ROBO1: variants seen among roughly 807,000 people sequenced by gnomAD.
ROBO1 encodes roundabout guidance receptor 1.
A neutral mutation model predicts 195.9 loss-of-function variants in ROBO1; 149 were observed. That is an observed-to-expected ratio of 0.76 (90% CI 0.67 to 0.87). ROBO1 has a LOEUF of 0.87. Ranked by LOEUF, ROBO1 falls within the 40% of genes least tolerant of loss-of-function variation. The pLI is 0.00. For synonymous variants in ROBO1, 816 were observed against 733.2 expected (o/e 1.11, Z -1.82); for missense variants, 1,933 against 2,068.3 (o/e 0.93, Z 1.27).
At chr3:79,261,289 T>C (rs1412156538) in intron 2 of ROBO1, among the ~76,000 whole-genome samples, 1 of 152,084 alleles carries the variant, frequency 6.6e-6, no homozygotes, top group African/African-American at 2.4e-5. Context: ...AAAACATTTA[T>C]TGTATTTTGC....
intron 3 of ROBO1, chr3:79,018,380 G>A (rs368369243): frequency 1.9e-6 from 3 of 1,613,534 alleles, no homozygotes; most frequent in South Asian, 2.2e-5. Context: ...GGAGGATCAA[G>A]GGTGAAGAAA....
Position 79,603,112 on chromosome 3 carries a change from A to G in ROBO1, c.-50-13151T>C, listed in dbSNP as rs796945828. ...TGTCATATGTAGTTTAAGGCCTAAA[A>G]TTAGGACCCCATATTATGTACTGCC... is the stretch of plus-strand genomic sequence containing the variant. On this transcript the variant is annotated intron_variant, in intron 1 of 30. Coordinates refer to ENST00000464233, the MANE Select transcript of ROBO1 (RefSeq NM_002941.4). Among the ~76,000 whole-genome samples the G allele has an allele frequency of 1.3e-4, 20 of 152,068 alleles. 1 individual carries two copies. The highest frequency in any genetic ancestry group is 4.8e-4 in the African/African-American group (20 of 41,522).
chr3:79,326,978 A>T (rs949601930), intron 2 of ROBO1, among the ~76,000 whole-genome samples: 2 of 152,290 alleles, frequency 1.3e-5, no homozygotes, highest in African/African-American at 4.8e-5. Flanking sequence ...AAGTCACTTT[A>T]TCTCTCTAAG....
intron 8 of ROBO1, among the ~76,000 whole-genome samples, chr3:78,697,518 T>C (rs2107911087): frequency 6.6e-6 from 1 of 152,248 alleles, no homozygotes; most frequent in African/African-American, 2.4e-5. Context: ...GAAAAGATGA[T>C]AATCGGCCTA....
At chr3:79,675,940 A>C (rs1452603609) in intron 1 of ROBO1, among the ~76,000 whole-genome samples, 2 of 152,138 alleles carry the variant, frequency 1.3e-5, no homozygotes, top group East Asian at 3.9e-4. Context: ...ATTGTCGATA[A>C]AAAGGTATAG....
chr3:79,295,060 A>C (rs1421700250), intron 2 of ROBO1, among the ~76,000 whole-genome samples: 1 of 152,220 alleles, frequency 6.6e-6, no homozygotes, highest in Non-Finnish European at 1.5e-5. Flanking sequence ...AGGATCTAGA[A>C]CTAGAAATAC....
intron 2 of ROBO1, among the ~76,000 whole-genome samples, chr3:79,333,663 A>T (rs1444013820): frequency 6.6e-6 from 1 of 152,074 alleles, no homozygotes; most frequent in African/African-American, 2.4e-5. Flanking sequence ...AGCACACCAA[A>T]CACTCACAGA....
chr3:79,056,343 T>A (rs571990644), intron 3 of ROBO1, among the ~76,000 whole-genome samples: 4 of 152,134 alleles, frequency 2.6e-5, no homozygotes, highest in African/African-American at 9.6e-5. Context: ...ATTATATTGA[T>A]GACATTTTAA....
At chr3:79,663,964 CAGT>C (rs1046050741) in intron 1 of ROBO1, among the ~76,000 whole-genome samples, 1 of 152,018 alleles carries the variant, frequency 6.6e-6, no homozygotes, top group African/African-American at 2.4e-5. Context: ...CCTACAAATT[CAGT>C]CCTTCCATTT....
At chr3:78,702,955 C>A (rs1411171399) in intron 8 of ROBO1, among the ~76,000 whole-genome samples, 1 of 152,136 alleles carries the variant, frequency 6.6e-6, no homozygotes, top group Admixed American at 6.5e-5. Flanking sequence ...CTGGCGTGCA[C>A]AATTAAGAGA....
intron 2 of ROBO1, among the ~76,000 whole-genome samples, chr3:79,564,352 T>C (rs1943023154): frequency 6.6e-6 from 1 of 152,068 alleles, no homozygotes; most frequent in Admixed American, 6.6e-5. Flanking sequence ...CACTGCATGA[T>C]ACTGTACCTA....
intron 2 of ROBO1, among the ~76,000 whole-genome samples, chr3:79,297,433 C>T (rs2032652603): frequency 6.6e-6 from 1 of 152,096 alleles, no homozygotes; most frequent in Non-Finnish European, 1.5e-5. Flanking sequence ...AAACACAATT[C>T]TTTGTTATTA....
At chr3:78,763,464 A>G (rs2083155213) in intron 4 of ROBO1, among the ~76,000 whole-genome samples, 1 of 152,162 alleles carries the variant, frequency 6.6e-6, no homozygotes, top group Non-Finnish European at 1.5e-5. Context: ...CTTCCATATT[A>G]TAATCAAATT....
At chr3:79,245,982 C>G (rs140324169) in intron 2 of ROBO1, among the ~76,000 whole-genome samples, 2 of 152,026 alleles carry the variant, frequency 1.3e-5, no homozygotes, top group African/African-American at 4.8e-5. Context: ...GGTCCCAAGT[C>G]AAGTGTGACC....
chr3:79,229,623 C>A (rs1426086698), intron 2 of ROBO1, among the ~76,000 whole-genome samples: 2 of 151,892 alleles, frequency 1.3e-5, no homozygotes, highest in African/African-American at 4.8e-5. Context: ...TTATTTCTTT[C>A]TTTTTGTAGA....
intron 30 of ROBO1, among the ~76,000 whole-genome samples, chr3:78,599,865 A>T (rs1192544344): frequency 6.6e-6 from 1 of 152,228 alleles, no homozygotes; most frequent in East Asian, 1.9e-4. Context: ...TATGTTTCTT[A>T]TCTGAAAATC....
intron 4 of ROBO1, among the ~76,000 whole-genome samples, chr3:78,862,075 G>A (rs893515932): frequency 6.6e-6 from 1 of 152,144 alleles, no homozygotes; most frequent in African/African-American, 2.4e-5. Context: ...CTTAAGATAG[G>A]AAGAGTGGGC....
At chr3:79,519,016 G>C (rs1164628053) in intron 2 of ROBO1, among the ~76,000 whole-genome samples, 2 of 152,040 alleles carry the variant, frequency 1.3e-5, no homozygotes, top group African/African-American at 4.8e-5. Context: ...TTAACAGCAT[G>C]CATTTGTCAT....
At chr3:79,070,018 A>G (rs1051736266) in intron 3 of ROBO1, among the ~76,000 whole-genome samples, 2 of 151,446 alleles carry the variant, frequency 1.3e-5, no homozygotes, top group Admixed American at 1.3e-4. Flanking sequence ...GAAGTTATTC[A>G]TAAATTTTCT....
Sources: gnomAD v4.1 joint callset for allele counts (sites outside exome capture counted in the v4.1 genomes callset) on GRCh38, gnomAD v4.1.1 for gene constraint, MANE v1.5 for transcripts, NCBI Gene and HGNC (gene_info 2026-07-23, HGNC 2026-07-21) for gene names.